The following FAM163B variants were observed in gnomAD, a reference collection of about 807,000 sequenced individuals.
FAM163B encodes the protein protein FAM163B.
Under a neutral mutation model 7.6 loss-of-function variants are expected in FAM163B, and 4 were observed. That is an observed-to-expected ratio of 0.52 (90% confidence interval 0.26 to 1.20). The LOEUF is 1.20. FAM163B is among the 50% of genes most tolerant of loss of function. FAM163B has a pLI of 0.14. For synonymous variants in FAM163B, 120 were observed against 111.6 expected (o/e 1.07, Z -0.47); for missense variants, 250 against 243.0 (o/e 1.03, Z -0.19).
chr9:133,597,469 C>T (rs532729281), intron 1 of FAM163B, among the ~76,000 whole-genome samples: 37 of 152,096 alleles, frequency 2.4e-4, no homozygotes, highest in Non-Finnish European at 4.6e-4. Flanking sequence ...ACGAAAAAAA[C>T]AAACAGAACT....
At chr9:133,590,338 G>GCGGA (rs1187850674) in intron 1 of FAM163B, among the ~76,000 whole-genome samples, 2 of 150,642 alleles carry the variant, frequency 1.3e-5, no homozygotes, top group Non-Finnish European at 3.0e-5. Flanking sequence ...GGCCTGGAAG[G>GCGGA]CGGACGGGAG....
At chr9:133,591,339 C>T (rs1831549152) in intron 1 of FAM163B, among the ~76,000 whole-genome samples, 1 of 152,226 alleles carries the variant, frequency 6.6e-6, no homozygotes, top group Non-Finnish European at 1.5e-5. Context: ...ACACCCAGGC[C>T]CAGCCTCAGG....
chr9:133,583,842 C>T (rs961352658), intron 1 of FAM163B, among the ~76,000 whole-genome samples: 116 of 152,330 alleles, frequency 7.6e-4, no homozygotes, highest in African/African-American at 2.5e-3. Context: ...ACACGCCTGC[C>T]GAGGAGCAGC....
At chr9:133,591,543 T>C (rs984510147) in intron 1 of FAM163B, among the ~76,000 whole-genome samples, 1 of 152,134 alleles carries the variant, frequency 6.6e-6, no homozygotes, top group Non-Finnish European at 1.5e-5. Context: ...GGTGCCCCCA[T>C]AGCACCCGTC....
At chr9:133,605,351 C>T (rs1349819856) in intron 1 of FAM163B, among the ~76,000 whole-genome samples, 4 of 152,228 alleles carry the variant, frequency 2.6e-5, no homozygotes. Context: ...AAGCTGTGCT[C>T]TTGTCCACTC....
chr9:133,596,583 C>T lies in FAM163B; in HGVS notation c.-24+12494G>A, dbSNP rs376255852. On this transcript the variant is annotated intron_variant, in intron 1 of 2. Transcript: ENST00000673969. Reference sequence around the variant, plus strand: ...GAGGGCCCTGTGGTGGCCCCAGCTCCCTCCAGCTGGAATCCCAGGCTATGG... The same window carrying T: ...GAGGGCCCTGTGGTGGCCCCAGCTCTCTCCAGCTGGAATCCCAGGCTATGG... Among the ~76,000 whole-genome samples, 44 of 152,248 alleles carry T rather than the reference C, an allele frequency of 2.9e-4. No individual in the cohort carries two copies. The South Asian group carries it at 6.8e-3, about 24-fold the overall frequency.
intron 1 of FAM163B, among the ~76,000 whole-genome samples, chr9:133,607,717 G>A (rs1461040468): frequency 6.6e-6 from 1 of 152,190 alleles, no homozygotes; most frequent in African/African-American, 2.4e-5. Flanking sequence ...ACTGCCCTGT[G>A]GGTCTTTTCA....
At chr9:133,581,057 G>C (rs1831348534) in intron 1 of FAM163B, among the ~76,000 whole-genome samples, 1 of 152,182 alleles carries the variant, frequency 6.6e-6, no homozygotes, top group South Asian at 2.1e-4. Context: ...CCAGGCCTAG[G>C]GACATGCCCT....
intron 1 of FAM163B, among the ~76,000 whole-genome samples, chr9:133,585,654 C>T (rs993191750): frequency 2.2e-4 from 33 of 152,236 alleles, no homozygotes; most frequent in Admixed American, 2.0e-3. Flanking sequence ...CCAAACCAAC[C>T]GGGCCCCAGG....
intron 1 of FAM163B, among the ~76,000 whole-genome samples, chr9:133,599,019 G>A (rs1170776780): frequency 1.3e-5 from 2 of 152,122 alleles, no homozygotes; most frequent in East Asian, 3.9e-4. Flanking sequence ...TCCCCCAGGG[G>A]CCCTCCCCCC....
intron 1 of FAM163B, among the ~76,000 whole-genome samples, chr9:133,598,143 T>C (rs1831658774): frequency 6.6e-6 from 1 of 152,094 alleles, no homozygotes; most frequent in African/African-American, 2.4e-5. Context: ...GAGGCCTCCC[T>C]GGGAGCCAGG....
At chr9:133,590,263 C>T (rs370819586) in intron 1 of FAM163B, among the ~76,000 whole-genome samples, 1,570 of 97,540 alleles carry the variant, frequency 0.016, 32 homozygotes, top group Non-Finnish European at 0.028. Context: ...TCTCTCCTTC[C>T]TTCCTTTTTT....
chr9:133,606,067 G>A lies in FAM163B; in HGVS notation c.-24+3010C>T, dbSNP rs769039439. 6.6e-6 allele frequency among the ~76,000 whole-genome samples: 1 copy of A among 152,168 alleles called. No individual in the cohort carries two copies. Among genetic ancestry groups the A allele is most frequent in the Admixed American group, 6.5e-5 (1 of 15,290 alleles). On this transcript the variant is annotated intron_variant, in intron 1 of 2. Transcript: ENST00000673969. This position sits in a 1 kb window ranked among gnomAD's most constrained non-coding sequence, Gnocchi z 4.0. ...ACTGAGCAGGGCTTACAAGCCTGGC[G>A]GAACCGGACCCCACCTGACTCTCCA...
At position 133,577,773 on chromosome 9, in the gene FAM163B, G is replaced by A. The variant is rs1434313350; in HGVS notation, c.*1249C>T. Reference sequence around the variant, plus strand: ...AAGAGCTGCCTTCCTGATGGCTGGTGTCCTGGGATGTGGGGCATTTCTCTG... The same window carrying A: ...AAGAGCTGCCTTCCTGATGGCTGGTATCCTGGGATGTGGGGCATTTCTCTG... On this transcript the variant is annotated 3_prime_UTR_variant, in exon 3 of 3. Coordinates refer to ENST00000673969, the MANE Select transcript of FAM163B (RefSeq NM_001080515.3). 2.0e-5 allele frequency among the ~76,000 whole-genome samples: 3 copies of A among 152,224 alleles called. No individual in the cohort carries two copies. Among genetic ancestry groups the A allele is most frequent in the Non-Finnish European group, 4.4e-5 (3 of 68,038 alleles).
intron 1 of FAM163B, among the ~76,000 whole-genome samples, chr9:133,585,603 G>A (rs1235385889): frequency 6.6e-6 from 1 of 152,210 alleles, no homozygotes; most frequent in Admixed American, 6.5e-5. Context: ...CTACATCCTC[G>A]GCACTGGCCG....
chr9:133,581,374 AT>A (rs1190942911), intron 1 of FAM163B, among the ~76,000 whole-genome samples: 23 of 150,926 alleles, frequency 1.5e-4, no homozygotes, highest in African/African-American at 4.4e-4. Context: ...CCTCATTTTT[AT>A]TTTTTTTTCT....
At chr9:133,603,780 C>A (rs1831758019) in intron 1 of FAM163B, among the ~76,000 whole-genome samples, 1 of 152,206 alleles carries the variant, frequency 6.6e-6, no homozygotes, top group Non-Finnish European at 1.5e-5. Context: ...GGGGCACCTG[C>A]TACCTTGCAC....
intron 1 of FAM163B, among the ~76,000 whole-genome samples, chr9:133,594,227 A>T (rs1831598270): frequency 6.6e-6 from 1 of 152,162 alleles, no homozygotes; most frequent in Non-Finnish European, 1.5e-5. Context: ...CATCCAAGGA[A>T]TCTCTCTGGA....
chr9:133,591,023 GCAGGCAGGCTCTGGA>G (rs1034317512), intron 1 of FAM163B, among the ~76,000 whole-genome samples: 2 of 152,224 alleles, frequency 1.3e-5, no homozygotes, highest in African/African-American at 4.8e-5. Flanking sequence ...CCCTCAGCAG[GCAGGCAGGCTCTGGA>G]TAGGGCAGGG....
Sources: allele counts gnomAD v4.1 joint callset (sites outside exome capture counted in the v4.1 genomes callset), GRCh38; gene constraint gnomAD v4.1.1; non-coding constraint Gnocchi (gnomAD v3.1); transcripts MANE v1.5; gene names NCBI Gene and HGNC (gene_info 2026-07-23, HGNC 2026-07-21).